The following CAPN9 variants were observed in gnomAD, a reference collection of about 807,000 sequenced individuals.
CAPN9 encodes calpain 9.
CAPN9 carries 81 observed loss-of-function variants against 92.8 expected under a neutral mutation model. That is an observed-to-expected ratio of 0.87 (90% CI 0.73 to 1.05). The LOEUF (loss-of-function observed/expected upper bound fraction) is 1.05, where lower values mean the gene tolerates loss of function less well. CAPN9 is among the 50% of genes least tolerant of loss of function. The pLI, the probability that CAPN9 is intolerant of heterozygous loss-of-function variation, is 0.00. For missense variants in CAPN9, 848 were observed against 866.2 expected (o/e 0.98, Z 0.26); for synonymous variants, 304 against 328.0 (o/e 0.93, Z 0.79).
chr1:230,765,848 C>T (rs1020604452), intron 4 of CAPN9, among the ~76,000 whole-genome samples: 2 of 151,976 alleles, frequency 1.3e-5, no homozygotes, highest in African/African-American at 4.8e-5. Context: ...GAGTATAACT[C>T]CCTGATTTTT....
Position 230,752,608 on chromosome 1 carries a change from G to T in CAPN9, c.214-2729G>T. On this transcript the variant is annotated intron_variant, in intron 1 of 19. Coordinates refer to ENST00000271971, the MANE Select transcript of CAPN9 (RefSeq NM_006615.3). The stretch of plus-strand genomic sequence containing the variant: ...AGAAGGCTGGGGGAGGGGAGGGGCA[G>T]GGAGGATGGGAAGGAGGCGGGCATC... The T allele has an allele frequency of 5.6e-6, 5 of 894,942 alleles. No homozygotes were observed. The South Asian group carries it at 2.5e-4, about 45-fold the overall frequency. The allele number at this position is 894,942 out of a possible 1,614,324, so 55.4% of individuals were successfully genotyped here.
At chr1:230,754,083 G>A (rs992458061) in intron 1 of CAPN9, among the ~76,000 whole-genome samples, 2 of 151,646 alleles carry the variant, frequency 1.3e-5, no homozygotes, top group African/African-American at 4.9e-5. Context: ...AGTGGGCGCC[G>A]TGGGTGAGGC....
At chr1:230,773,463 T>G (rs1298229097) in intron 7 of CAPN9, among the ~76,000 whole-genome samples, 4 of 152,274 alleles carry the variant, frequency 2.6e-5, no homozygotes, top group African/African-American at 9.6e-5. Context: ...GTCTCCCATT[T>G]TCTGGGACTC....
At chr1:230,799,545 A>C (rs1572103502) in intron 19 of CAPN9, among the ~76,000 whole-genome samples, 1 of 152,222 alleles carries the variant, frequency 6.6e-6, no homozygotes, top group East Asian at 1.9e-4. Context: ...GTAATGGCTT[A>C]ATTGATTACT....
chr1:230,747,492 C>T lies in CAPN9; in HGVS notation c.-5C>T. On this transcript the variant is annotated 5_prime_UTR_variant, in exon 1 of 20. Transcript: ENST00000271971. The stretch of plus-strand genomic sequence containing the variant: ...GGACCCAAGCCAGCCTTCCAGGGAG[C>T]AGCCATGCCTTACCTCTACCGGGCC... 6.2e-7 allele frequency: 1 copy of T among 1,613,298 alleles called. No homozygotes were observed. Among genetic ancestry groups the T allele is most frequent in the Non-Finnish European group, 8.5e-7 (1 of 1,179,416 alleles).
Position 230,750,963 on chromosome 1 carries a change from G to A in CAPN9, c.213+3254G>A, listed in dbSNP as rs116070130. ...TGGAAGTGGGTGCACAGAAAGAGGA[G>A]GAGGGAGTATCGGGTGAGGTCTCCC... On this transcript the variant is annotated intron_variant, in intron 1 of 19. Coordinates refer to ENST00000271971, the MANE Select transcript of CAPN9 (RefSeq NM_006615.3). Among the ~76,000 whole-genome samples the A allele has an allele frequency of 8.8e-3, 1,346 of 152,308 alleles. 23 individuals carry two copies. Among genetic ancestry groups the A allele is most frequent in the African/African-American group, 0.03 (1,250 of 41,562 alleles).
At chr1:230,801,256 G>T (rs181454597) in intron 19 of CAPN9, among the ~76,000 whole-genome samples, 1 of 152,210 alleles carries the variant, frequency 6.6e-6, no homozygotes, top group African/African-American at 2.4e-5. Flanking sequence ...ACTTAATACT[G>T]CCCTGCCCAA....
At chr1:230,794,181 C>G (rs1228390381) in intron 17 of CAPN9, among the ~76,000 whole-genome samples, 1 of 152,132 alleles carries the variant, frequency 6.6e-6, no homozygotes, top group South Asian at 2.1e-4. Flanking sequence ...TCTAAGGGCA[C>G]TAATTAGAAA....
At chr1:230,775,281 C>A (rs931069837) in intron 8 of CAPN9, among the ~76,000 whole-genome samples, 3 of 152,140 alleles carry the variant, frequency 2.0e-5, no homozygotes, top group African/African-American at 7.2e-5. Context: ...TGAAGACAGG[C>A]AGCCCTACTG....
At chr1:230,792,076 G>A (rs1028071551) in intron 15 of CAPN9, 148 bp downstream of exon 15, 8 of 684,214 alleles carry the variant, frequency 1.2e-5, no homozygotes, top group Non-Finnish European at 2.0e-5. Flanking sequence ...CCAAAGCTGG[G>A]GGACCCCCAT....
intron 1 of CAPN9, among the ~76,000 whole-genome samples, chr1:230,753,674 A>G (rs1249735230): frequency 6.6e-6 from 1 of 152,052 alleles, no homozygotes; most frequent in Admixed American, 6.6e-5. Flanking sequence ...CCTCCAGCCC[A>G]GGCCCCTCCT....
At chr1:230,749,400 C>T (rs1664625022) in intron 1 of CAPN9, among the ~76,000 whole-genome samples, 1 of 152,234 alleles carries the variant, frequency 6.6e-6, no homozygotes, top group African/African-American at 2.4e-5. Context: ...AGGGGCACCG[C>T]CCACGACCAT....
intron 13 of CAPN9, among the ~76,000 whole-genome samples, chr1:230,789,487 A>AAC (rs1263196506): frequency 6.8e-6 from 1 of 147,582 alleles, no homozygotes; most frequent in African/African-American, 2.6e-5. Flanking sequence ...AAAAAAAAAA[A>AAC]AAAAAAAAAA....
chr1:230,791,601 A>T (rs1166284410), intron 14 of CAPN9, among the ~76,000 whole-genome samples: 1 of 152,196 alleles, frequency 6.6e-6, no homozygotes. Context: ...AAAAATCTTC[A>T]TATGTTATTC....
At chr1:230,781,837 C>T (rs1007493398) in intron 11 of CAPN9, among the ~76,000 whole-genome samples, 1 of 152,216 alleles carries the variant, frequency 6.6e-6, no homozygotes, top group Non-Finnish European at 1.5e-5. Context: ...ATTGAAAAGA[C>T]TCTCAATTAT....
intron 14 of CAPN9, 74 bp downstream of exon 14, chr1:230,790,263 C>G: frequency 6.4e-7 from 1 of 1,571,634 alleles, no homozygotes; most frequent in Non-Finnish European, 8.6e-7. Context: ...GGTCCCCTCC[C>G]TGCTCCTCCG....
intron 17 of CAPN9, among the ~76,000 whole-genome samples, chr1:230,794,697 G>A (rs776875709): frequency 6.6e-5 from 10 of 152,038 alleles, no homozygotes; most frequent in Non-Finnish European, 1.5e-4. Flanking sequence ...ATTCTCCGTG[G>A]GCAGCAGCAT....
At chr1:230,761,283 G>A (rs1665617880) in intron 3 of CAPN9, among the ~76,000 whole-genome samples, 1 of 152,130 alleles carries the variant, frequency 6.6e-6, no homozygotes, top group African/African-American at 2.4e-5. Flanking sequence ...CCACAGTGCA[G>A]GTGTGCGTGC....
At chr1:230,774,948 C>A (rs979675992) in intron 8 of CAPN9, among the ~76,000 whole-genome samples, 1 of 151,830 alleles carries the variant, frequency 6.6e-6, no homozygotes, top group Non-Finnish European at 1.5e-5. Flanking sequence ...ACCGTGTTGG[C>A]CAGGCTAGTC....
Sources: gnomAD v4.1 joint callset for allele counts (sites outside exome capture counted in the v4.1 genomes callset) on GRCh38, gnomAD v4.1.1 for gene constraint, MANE v1.5 for transcripts, NCBI Gene and HGNC (gene_info 2026-07-23, HGNC 2026-07-21) for gene names.